Variants in ODF2 observed in about 807,000 individuals in gnomAD.
ODF2 encodes outer dense fiber of sperm tails 2.
ODF2 carries 47 observed loss-of-function variants against 110.2 expected under a neutral mutation model. That is an observed-to-expected ratio of 0.43 (90% CI 0.34 to 0.54). ODF2 has a LOEUF of 0.54. ODF2 is among the 20% of genes least tolerant of loss of function. The probability of loss-of-function intolerance (pLI) is 0.03; values close to 1 mark genes in which losing one functional copy is unlikely to be tolerated. For synonymous variants in ODF2, 352 were observed against 397.7 expected (o/e 0.89, Z 1.37); for missense variants, 812 against 1,054.5 (o/e 0.77, Z 3.19).
exon 5 of ODF2, chr9:128,469,250 G>A (rs1839101422): frequency 6.2e-7 from 1 of 1,614,002 alleles, no homozygotes; most frequent in Non-Finnish European, 8.5e-7. Flanking sequence ...ATGCGGTTAA[G>A]TGACCTCTCT....
chr9:128,477,447 G>A (rs1309040559), intron 8 of ODF2, among the ~76,000 whole-genome samples: 3 of 151,922 alleles, frequency 2.0e-5, no homozygotes, highest in Admixed American at 6.6e-5. Context: ...TACTCGGGAG[G>A]CTGAGGTGGG....
chr9:128,492,146 T>C (rs951763643), intron 14 of ODF2, among the ~76,000 whole-genome samples: 7 of 152,076 alleles, frequency 4.6e-5, no homozygotes, highest in African/African-American at 1.4e-4. Flanking sequence ...ATTATAGGCG[T>C]GAGCCACCGC....
intron 1 of ODF2, 80 bp downstream of exon 1, chr9:128,456,335 G>C (rs1834767386): frequency 2.8e-6 from 4 of 1,451,372 alleles, no homozygotes; most frequent in African/African-American, 1.5e-5. Flanking sequence ...CCCCCGGCGC[G>C]GTCGACCCCG....
At position 128,474,810 on chromosome 9, in the gene ODF2, A is replaced by G. The variant is rs542713996; in HGVS notation, c.843+1069A>G. ...AACCCCATCTCTACTTGAAAAATACAAAAATGAGCCTGGCCTGGTGGCAGG... is the reference window on the plus strand; with the variant it reads ...AACCCCATCTCTACTTGAAAAATACGAAAATGAGCCTGGCCTGGTGGCAGG... On this transcript the variant is annotated intron_variant, in intron 8 of 20. Coordinates refer to ENST00000604420, the Ensembl canonical transcript of ODF2. Among the ~76,000 whole-genome samples the G allele has an allele frequency of 3.3e-3, 499 of 151,902 alleles. 3 individuals carry two copies. The highest frequency in any genetic ancestry group is 3.6e-3 in the Non-Finnish European group (244 of 67,956).
chr9:128,498,195 G>T (rs368930585), intron 18 of ODF2: 2 of 510,164 alleles, frequency 3.9e-6, no homozygotes, highest in Non-Finnish European at 6.3e-6. Context: ...CAGTCTCTGC[G>T]TTCCCACCCT....
exon 20 of ODF2, chr9:128,499,009 A>G (rs759821227): frequency 6.2e-7 from 1 of 1,613,922 alleles, no homozygotes; most frequent in Non-Finnish European, 8.5e-7. Context: ...AGGTGGAACA[A>G]ACCAAGGAGC....
Position 128,485,026 on chromosome 9 carries a change from A to G in ODF2, c.1290+140A>G, listed in dbSNP as rs1328533867. 1.1e-6 allele frequency: 1 copy of G among 904,570 alleles called. No individual in the cohort carries two copies. The highest frequency in any genetic ancestry group is 1.7e-6 in the Non-Finnish European group (1 of 580,646). 56.0% of individuals were successfully genotyped at this position (904,570 alleles called of 1,614,324 possible). A position where few individuals can be genotyped will look rare whatever the true frequency, so the allele number is the denominator to read the frequency against. On this transcript the variant is annotated intron_variant, in intron 12 of 20. Coordinates refer to ENST00000604420, the Ensembl canonical transcript of ODF2. The surrounding 1 kb of genome is among the most constrained non-coding windows in gnomAD (Gnocchi z 5.0). Reference sequence around the variant, plus strand: ...TGGTGGAAAGGATAGATGGCTGGGGAGGAGGGAGAGGGAGTTAAGGGGATC... The same window carrying G: ...TGGTGGAAAGGATAGATGGCTGGGGGGGAGGGAGAGGGAGTTAAGGGGATC...
chr9:128,496,282 T>C (rs1470924898), intron 18 of ODF2, 141 bp downstream of exon 18: 1 of 1,511,392 alleles, frequency 6.6e-7, no homozygotes, highest in African/African-American at 1.4e-5. Flanking sequence ...GAGGAAAAGC[T>C]GCTTCCATTT....
In ODF2 at chr9:128,498,411, A is replaced by G. The variant is rs1266001394; in HGVS notation, c.2013-2A>G. The G allele has an allele frequency of 2.5e-6, 4 of 1,583,364 alleles. No homozygotes were observed. The highest frequency in any genetic ancestry group is 3.4e-6 in the Non-Finnish European group (4 of 1,164,582). ...AGGATCTGATTGAGTGCTTTCACCT[A>G]GGAAACTGGAGGCGACCAGTGCCCA... On this transcript the variant is annotated splice_acceptor_variant, in intron 18 of 20. Transcript: ENST00000604420. LOFTEE classifies it high-confidence loss of function.
intron 16 of ODF2, among the ~76,000 whole-genome samples, chr9:128,493,088 CA>C (rs1844932621): frequency 6.9e-6 from 1 of 145,934 alleles, no homozygotes; most frequent in Non-Finnish European, 1.5e-5. Context: ...ATAACAACAA[CA>C]AAAAAACTCT....
At chr9:128,483,881 G>A (rs1055134402) in intron 10 of ODF2, 57 bp from the exon 11 acceptor site, 11 of 1,220,406 alleles carry the variant, frequency 9.0e-6, no homozygotes, top group Admixed American at 3.4e-5. Context: ...GCAAGACTCC[G>A]TATGAAAAAA....
intron 4 of ODF2, among the ~76,000 whole-genome samples, chr9:128,464,597 T>C (rs1021644551): frequency 3.9e-5 from 6 of 152,000 alleles, no homozygotes; most frequent in African/African-American, 1.5e-4. Flanking sequence ...CCTCCCAGGT[T>C]CAAGTGATTC....
At chr9:128,467,609 G>A (rs1294758393) in intron 4 of ODF2, among the ~76,000 whole-genome samples, 1 of 151,906 alleles carries the variant, frequency 6.6e-6, no homozygotes, top group Non-Finnish European at 1.5e-5. Context: ...GCTGGGCATG[G>A]TGGTAGGTGC....
At chr9:128,479,162 C>T (rs187031329) in intron 8 of ODF2, among the ~76,000 whole-genome samples, 122 of 152,266 alleles carry the variant, frequency 8.0e-4, no homozygotes, top group Non-Finnish European at 1.4e-3. Flanking sequence ...TTATCAGTTC[C>T]TAGGTGCCCA....
chr9:128,500,514 A>G, downstream of ODF2: 2 of 436,818 alleles, frequency 4.6e-6, no homozygotes, highest in Non-Finnish European at 8.2e-6. Flanking sequence ...CTACTACATT[A>G]GGGTACCACA....
intron 8 of ODF2, among the ~76,000 whole-genome samples, chr9:128,476,959 A>T (rs1841409268): frequency 6.7e-6 from 1 of 148,888 alleles, no homozygotes; most frequent in Non-Finnish European, 1.5e-5. Context: ...AAATTAATAT[A>T]TTGGCCGGGT....
exon 9 of ODF2, chr9:128,481,631 G>A: frequency 6.2e-7 from 1 of 1,614,048 alleles, no homozygotes. Flanking sequence ...ACGGCTGGCG[G>A]AGGCCGACTC....
intron 4 of ODF2, among the ~76,000 whole-genome samples, chr9:128,466,997 AAAAAAAAAAAAAAAAAAATATATAT>A (rs1838156816): frequency 3.3e-5 from 2 of 61,180 alleles, no homozygotes; most frequent in African/African-American, 1.6e-4. Context: ...AAAAAAAAAA[AAAAAAAAAAAAAAAAAAATATATAT>A]ATATATATAT....
chr9:128,465,616 C>T (rs951278632), intron 4 of ODF2, among the ~76,000 whole-genome samples: 2 of 152,056 alleles, frequency 1.3e-5, no homozygotes, highest in African/African-American at 4.8e-5. Flanking sequence ...TGGCACGCTC[C>T]TGTAGGCCCA....
Sources: gnomAD v4.1 joint callset for allele counts (sites outside exome capture counted in the v4.1 genomes callset) on GRCh38, gnomAD v4.1.1 for gene constraint, Gnocchi (gnomAD v3.1) non-coding constraint, MANE v1.5 for transcripts, NCBI Gene and HGNC (gene_info 2026-07-23, HGNC 2026-07-21) for gene names.